ALDH3B2: variants seen among roughly 807,000 people sequenced by gnomAD.
The protein encoded by ALDH3B2 is aldehyde dehydrogenase 3 family member B2.
ALDH3B2 carries 45 observed loss-of-function variants against 36.7 expected under a neutral mutation model. The observed-to-expected ratio is 1.23, with a 90% CI of 0.97 to 1.57. ALDH3B2 has a LOEUF of 1.57. Ranked by LOEUF, ALDH3B2 falls within the 40% of genes most tolerant of loss-of-function variation. ALDH3B2 has a pLI of 0.00. For synonymous variants in ALDH3B2, 217 were observed against 226.5 expected, an observed-to-expected ratio of 0.96 and a Z score of 0.38; for missense variants, 464 against 513.3, an observed-to-expected ratio of 0.90 and a Z score of 0.93.
At chr11:67,679,862 G>T (rs1806362461) in intron 1 of ALDH3B2, among the ~76,000 whole-genome samples, 1 of 152,158 alleles carries the variant, frequency 6.6e-6, no homozygotes, top group Non-Finnish European at 1.5e-5. Context: ...CACATAAATT[G>T]GTCTTACTAT....
intron 1 of ALDH3B2, among the ~76,000 whole-genome samples, chr11:67,671,786 G>A (rs1242096104): frequency 6.7e-5 from 10 of 150,264 alleles, no homozygotes; most frequent in Non-Finnish European, 8.9e-5. Context: ...CAGGTGATCC[G>A]CCCACCTTGG....
intron 9 of ALDH3B2, 30 bp downstream of exon 9, chr11:67,663,632 C>T (rs751014793): frequency 1.3e-6 from 2 of 1,592,702 alleles, no homozygotes; most frequent in Non-Finnish European, 1.7e-6. Context: ...AGCCAAGCTT[C>T]CCTAGGGGTG....
At chr11:67,663,589 G>T in intron 9 of ALDH3B2, 73 bp downstream of exon 9, 3 of 1,460,146 alleles carry the variant, frequency 2.1e-6, no homozygotes, top group South Asian at 2.5e-5. Context: ...GTTGAACAGT[G>T]AGTGAAGGGA....
chr11:67,664,316 G>T, intron 8 of ALDH3B2, 80 bp downstream of exon 8: 1 of 1,595,914 alleles, frequency 6.3e-7, no homozygotes, highest in East Asian at 2.2e-5. Flanking sequence ...AAGCCTTGCT[G>T]GGAAGGGCTG....
At chr11:67,664,486 G>T in exon 8 of ALDH3B2, 1 of 1,614,078 alleles carries the variant, frequency 6.2e-7, no homozygotes, top group Non-Finnish European at 8.5e-7. Flanking sequence ...GCACGTTCAC[G>T]ATGGGCAGGA....
At chr11:67,665,662 C>A (rs377311335) in exon 7 of ALDH3B2, 2 of 1,608,036 alleles carry the variant, frequency 1.2e-6, no homozygotes, top group East Asian at 2.2e-5. Flanking sequence ...CTTGCCCACA[C>A]GAGGGCTCCC....
chr11:67,665,579 C>A, exon 7 of ALDH3B2: 3 of 1,614,104 alleles, frequency 1.9e-6, no homozygotes, highest in Non-Finnish European at 2.5e-6. Flanking sequence ...TTGTCGTCCA[C>A]GTAGCAGGGG....
chr11:67,666,476 C>T, intron 4 of ALDH3B2, 75 bp from the exon 5 acceptor site: 2 of 1,602,888 alleles, frequency 1.2e-6, no homozygotes, highest in Non-Finnish European at 1.7e-6. Context: ...GCTCAGAGGG[C>T]ATGTGAGGCC....
At chr11:67,666,783 T>C in intron 3 of ALDH3B2, 89 bp from the exon 4 acceptor site, 1 of 1,608,614 alleles carries the variant, frequency 6.2e-7, no homozygotes, top group Non-Finnish European at 8.5e-7. Context: ...CCCTGTGCGA[T>C]GGAATCCCAG....
upstream of ALDH3B2, among the ~76,000 whole-genome samples, chr11:67,675,184 G>A (rs189914389): frequency 7.3e-3 from 1,116 of 152,272 alleles, 8 homozygotes; most frequent in Non-Finnish European, 0.012. Context: ...TGTAGCTCTA[G>A]GATGGCGCAT....
At chr11:67,675,771 G>A (rs1313795827), upstream of ALDH3B2, among the ~76,000 whole-genome samples, 1 of 152,234 alleles carries the variant, frequency 6.6e-6, no homozygotes, top group East Asian at 1.9e-4. Flanking sequence ...ATGGGTTATG[G>A]CCACTGGGGA....
Position 67,664,399 on chromosome 11 carries a change from G to T in ALDH3B2, c.870C>A (p.Ser290Arg), listed in dbSNP as rs1131740. The T allele has an allele frequency of 6.2e-7, 1 of 1,614,050 alleles. No individual in the cohort carries two copies. ...CCCAACCCGGCCGCACCCCCACCTG[G>T]CTGCTGTTGGAGAAGGCGTACAGGG... Residue 290 changes from serine (S) to arginine (R), a missense_variant, in exon 8 of 10, where the codon AGC (serine) becomes AGA (arginine). Transcript: ENST00000349015.
upstream of ALDH3B2, among the ~76,000 whole-genome samples, chr11:67,678,351 CA>C (rs1015897212): frequency 1.3e-5 from 2 of 152,042 alleles, no homozygotes; most frequent in Non-Finnish European, 2.9e-5. Context: ...AACAAATAAA[CA>C]AAAACATAAA....
chr11:67,672,057 A>G (rs1565250038), intron 1 of ALDH3B2, among the ~76,000 whole-genome samples: 2 of 56,970 alleles, frequency 3.5e-5, no homozygotes, highest in Non-Finnish European at 6.9e-5. Flanking sequence ...ATATATATAT[A>G]TATATATATA....
Position 67,663,274 on chromosome 11 carries a change from C to T in ALDH3B2, c.1099G>A (p.Asp367Asn), listed in dbSNP as rs757916431. Residue 367 changes from aspartate (D) to asparagine (N), a missense_variant, in exon 10 of 10, where the codon GAC (aspartate) becomes AAC (asparagine). Transcript: ENST00000349015. Reference sequence around the variant, plus strand: ...CAGCGTAACAGCTGCTGGTTCCAGTCGGTATAGGGTGGGTAGTGGATCTCC... The same window carrying T: ...CAGCGTAACAGCTGCTGGTTCCAGTTGGTATAGGGTGGGTAGTGGATCTCC... The T allele has an allele frequency of 1.7e-5, 28 of 1,613,742 alleles. No individual in the cohort carries two copies. In the East Asian group the frequency reaches 3.3e-4, roughly 19 times the overall value.
chr11:67,662,941 C>T (rs969492455), exon 10 of ALDH3B2: 24 of 476,242 alleles, frequency 5.0e-5, no homozygotes, highest in Non-Finnish European at 7.5e-5. Context: ...CAACCCTGAC[C>T]GAGAGGGCAA....
At chr11:67,678,127 A>T (rs1224341692), upstream of ALDH3B2, among the ~76,000 whole-genome samples, 1 of 152,224 alleles carries the variant, frequency 6.6e-6, no homozygotes, top group Non-Finnish European at 1.5e-5. Flanking sequence ...TCTAAACTTC[A>T]TATGGAACCA....
At chr11:67,669,524 GTGTA>G (rs1451590070) in intron 1 of ALDH3B2, among the ~76,000 whole-genome samples, 7 of 150,704 alleles carry the variant, frequency 4.6e-5, no homozygotes, top group South Asian at 4.2e-4. Flanking sequence ...ATGGGTGTCT[GTGTA>G]TGTATCAGTG....
upstream of ALDH3B2, among the ~76,000 whole-genome samples, chr11:67,677,246 T>C (rs958398739): frequency 5.9e-5 from 9 of 152,156 alleles, no homozygotes; most frequent in Middle Eastern, 3.4e-3. Context: ...ATCAAAAAGA[T>C]AATCCTCCAT....
Sources: allele counts gnomAD v4.1 joint callset (sites outside exome capture counted in the v4.1 genomes callset), GRCh38; gene constraint gnomAD v4.1.1; transcripts MANE v1.5; gene names NCBI Gene and HGNC (gene_info 2026-07-23, HGNC 2026-07-21).